Variants in MRAP2 observed in about 807,000 individuals in gnomAD.
The protein encoded by MRAP2 is melanocortin 2 receptor accessory protein 2, also known as melanocortin-2 receptor accessory protein 2.
MRAP2 carries 20 observed loss-of-function variants against 17.4 expected under a neutral mutation model. The observed-to-expected ratio is 1.15, with a 90% CI of 0.81 to 1.67. The LOEUF (loss-of-function observed/expected upper bound fraction) is 1.67. Ranked by LOEUF, MRAP2 falls within the 40% of genes most tolerant of loss-of-function variation. MRAP2 has a pLI of 0.00. For synonymous variants in MRAP2, 96 were observed against 88.4 expected, an observed-to-expected ratio of 1.09 and a Z score of -0.48; for missense variants, 238 against 240.0, an observed-to-expected ratio of 0.99 and a Z score of 0.05.
intron 3 of MRAP2, among the ~76,000 whole-genome samples, chr6:84,071,011 T>A (rs969837877): frequency 6.6e-6 from 1 of 152,194 alleles, no homozygotes; most frequent in Non-Finnish European, 1.5e-5. Flanking sequence ...TGGGTTCTTA[T>A]CCATTCTGTG....
chr6:84,034,550 G>A (rs2099485478), intron 1 of MRAP2, among the ~76,000 whole-genome samples: 1 of 138,162 alleles, frequency 7.2e-6, no homozygotes, highest in Admixed American at 8.4e-5. Context: ...TCCTTTCTGT[G>A]TAATTAATTG....
intron 1 of MRAP2, chr6:84,052,811 T>C: frequency 2.0e-6 from 2 of 985,130 alleles, no homozygotes; most frequent in South Asian, 9.4e-5. Flanking sequence ...CATTCTTGTC[T>C]CTCAGTGTTT....
the MRAP2 span, among the ~76,000 whole-genome samples, chr6:84,135,437 G>A: frequency 6.7e-6 from 1 of 149,036 alleles, no homozygotes; most frequent in African/African-American, 2.6e-5. Flanking sequence ...AACAATCTGT[G>A]CGTAGCCCAG....
At chr6:84,125,062 A>C in the MRAP2 span, 2 of 1,604,956 alleles carry the variant, frequency 1.2e-6, no homozygotes, top group African/African-American at 2.7e-5. Flanking sequence ...ATGAAATCTG[A>C]ATTTCTATTA....
chr6:84,104,777 A>T, the MRAP2 span, among the ~76,000 whole-genome samples: 3 of 152,174 alleles, frequency 2.0e-5, no homozygotes, highest in Non-Finnish European at 2.9e-5. Flanking sequence ...CTGAGGCAGG[A>T]GAATGGCATG....
At chr6:84,054,060 T>G (rs549755158) in intron 1 of MRAP2, among the ~76,000 whole-genome samples, 3 of 152,246 alleles carry the variant, frequency 2.0e-5, no homozygotes, top group African/African-American at 7.2e-5. Flanking sequence ...GAAAGAAACC[T>G]CAGAAAGCTC....
rs150059228 is a variant in MRAP2, at chr6:84,033,838, G to GGAGCCGGAACCAGGGCC, written c.-47_-31dup. The GGAGCCGGAACCAGGGCC allele has an allele frequency of 0.011, 10,431 of 987,198 alleles. 682 individuals carry two copies. The African/African-American group carries it at 0.15, about 14-fold the overall frequency. 61.2% of individuals were successfully genotyped at this position (987,198 alleles called of 1,614,324 possible). On this transcript the variant is annotated 5_prime_UTR_variant, in exon 1 of 4. Transcript: ENST00000257776. ...GCGCTCGCGCACCTCGGAGGAGCCA[G>GGAGCCGGAACCAGGGCC]GAGCCGGAACCAGGGCCGAGCCCGC...
intron 1 of MRAP2, among the ~76,000 whole-genome samples, chr6:84,044,415 G>A (rs373442287): frequency 4.6e-5 from 7 of 152,190 alleles, no homozygotes; most frequent in African/African-American, 9.6e-5. Flanking sequence ...TTGAACTCCC[G>A]ACCTCAGGTG....
chr6:84,119,724 T>C, the MRAP2 span, among the ~76,000 whole-genome samples: 5 of 152,230 alleles, frequency 3.3e-5, no homozygotes, highest in African/African-American at 1.2e-4. Flanking sequence ...TGATCAGGAG[T>C]ACCCAATCCA....
At chr6:84,133,501 G>A in the MRAP2 span, among the ~76,000 whole-genome samples, 958 of 152,216 alleles carry the variant, frequency 6.3e-3, 4 homozygotes, top group African/African-American at 0.022. Context: ...CTTGAGTTGC[G>A]GTGGGCTCCA....
At chr6:84,137,010 T>C in the MRAP2 span, among the ~76,000 whole-genome samples, 1 of 152,220 alleles carries the variant, frequency 6.6e-6, no homozygotes, top group Non-Finnish European at 1.5e-5. Flanking sequence ...GAGCATGTTG[T>C]TGTGGGAGCC....
At chr6:84,143,049 T>TA in the MRAP2 span, among the ~76,000 whole-genome samples, 5 of 151,572 alleles carry the variant, frequency 3.3e-5, no homozygotes, top group East Asian at 1.9e-4. Context: ...TTTATGTTTG[T>TA]AAAAAAAAAT....
intron 3 of MRAP2, among the ~76,000 whole-genome samples, chr6:84,085,017 A>G (rs983730252): frequency 3.3e-5 from 5 of 151,212 alleles, no homozygotes; most frequent in Non-Finnish European, 7.4e-5. Context: ...TTATATATGT[A>G]TACATGTGCC....
chr6:84,042,201 A>G (rs766042701), intron 1 of MRAP2, among the ~76,000 whole-genome samples: 1 of 152,092 alleles, frequency 6.6e-6, no homozygotes, highest in Non-Finnish European at 1.5e-5. Context: ...GTGAAGAAGG[A>G]TGTGTTTGCT....
intron 1 of MRAP2, among the ~76,000 whole-genome samples, chr6:84,048,795 GT>G (rs1211695745): frequency 2.6e-5 from 4 of 152,286 alleles, no homozygotes; most frequent in African/African-American, 9.6e-5. Flanking sequence ...CGTAAAACAT[GT>G]GCTGTGGTCA....
the MRAP2 span, among the ~76,000 whole-genome samples, chr6:84,116,333 G>A: frequency 6.6e-6 from 1 of 152,142 alleles, no homozygotes; most frequent in African/African-American, 2.4e-5. Context: ...TATCGTGATA[G>A]TAAGTCTCAT....
chr6:84,072,997 C>T (rs2099496592), intron 3 of MRAP2, among the ~76,000 whole-genome samples: 1 of 152,158 alleles, frequency 6.6e-6, no homozygotes, highest in Non-Finnish European at 1.5e-5. Context: ...CCAGGCTACC[C>T]TCCCCGCAGC....
At chr6:84,124,808 T>C in the MRAP2 span, 1 of 433,792 alleles carries the variant, frequency 2.3e-6, no homozygotes, top group Non-Finnish European at 4.0e-6. Context: ...ATTTCTAGCA[T>C]ACAAGTGAGC....
chr6:84,085,749 A>G (rs748145280), intron 3 of MRAP2, among the ~76,000 whole-genome samples: 1 of 152,224 alleles, frequency 6.6e-6, no homozygotes, highest in African/African-American at 2.4e-5. Context: ...TGTCTCCAAG[A>G]CAGATTGTAA....
Sources: allele counts gnomAD v4.1 joint callset (sites outside exome capture counted in the v4.1 genomes callset), GRCh38; gene constraint gnomAD v4.1.1; transcripts MANE v1.5; gene names NCBI Gene and HGNC (gene_info 2026-07-23, HGNC 2026-07-21).